Variants in NRXN1 observed in about 807,000 individuals in gnomAD.
NRXN1 encodes the protein neurexin-1.
NRXN1 carries 39 observed loss-of-function variants against 150.9 expected under a neutral mutation model. The observed-to-expected ratio is 0.26, with a 90% CI of 0.20 to 0.34. The LOEUF (loss-of-function observed/expected upper bound fraction) is 0.34, where lower values mean the gene tolerates loss of function less well. Among genes scored for constraint, NRXN1 ranks in the 10% least tolerant of loss-of-function variants. NRXN1 has a pLI of 1.00. For synonymous variants in NRXN1, 924 were observed against 757.0 expected (o/e 1.22, Z -3.62); for missense variants, 1,815 against 1,949.9 (o/e 0.93, Z 1.30).
At chr2:49,981,359 A>C (rs867514277) in intron 21 of NRXN1, among the ~76,000 whole-genome samples, 15 of 152,196 alleles carry the variant, frequency 9.9e-5, no homozygotes, top group Middle Eastern at 6.8e-3. Flanking sequence ...CCATCAGAAG[A>C]AATTAAGGAA....
intron 5 of NRXN1, among the ~76,000 whole-genome samples, chr2:50,672,379 T>G (rs1688980241): frequency 6.6e-6 from 1 of 152,008 alleles, no homozygotes; most frequent in Non-Finnish European, 1.5e-5. Context: ...ATGATTTCAT[T>G]CAAATGTGGC....
At chr2:49,929,289 A>G (rs1352187271) in intron 22 of NRXN1, among the ~76,000 whole-genome samples, 1 of 152,202 alleles carries the variant, frequency 6.6e-6, no homozygotes, top group Non-Finnish European at 1.5e-5. Flanking sequence ...CACTGAAGAC[A>G]AATAAACAGA....
chr2:50,501,101 G>T (rs1325563450), intron 13 of NRXN1, among the ~76,000 whole-genome samples: 1 of 152,188 alleles, frequency 6.6e-6, no homozygotes, highest in Non-Finnish European at 1.5e-5. Context: ...GGAAGAAGAT[G>T]CCAGGTTTGA....
intron 5 of NRXN1, among the ~76,000 whole-genome samples, chr2:50,641,409 G>C (rs960960538): frequency 6.6e-6 from 1 of 152,092 alleles, no homozygotes; most frequent in African/African-American, 2.4e-5. Context: ...AAGATTGAAT[G>C]TCCCTGGCTC....
intron 17 of NRXN1, among the ~76,000 whole-genome samples, chr2:50,416,472 A>G (rs1256923996): frequency 6.6e-6 from 1 of 152,106 alleles, no homozygotes; most frequent in Non-Finnish European, 1.5e-5. Flanking sequence ...TCACCATAAA[A>G]TTAATAATTT....
At chr2:50,640,742 T>C (rs1683959978) in intron 5 of NRXN1, among the ~76,000 whole-genome samples, 1 of 152,244 alleles carries the variant, frequency 6.6e-6, no homozygotes, top group Admixed American at 6.5e-5. Context: ...TTTGCCCAGA[T>C]ACAGAGAAAT....
chr2:50,347,564 G>A lies in NRXN1; in HGVS notation c.3365-110594C>T. 3 of 1,019,888 alleles carry A rather than the reference G, an allele frequency of 2.9e-6. No homozygotes were observed. The highest frequency in any genetic ancestry group is 3.5e-6 in the Non-Finnish European group (3 of 850,580). 63.2% of individuals were successfully genotyped at this position (1,019,888 alleles called of 1,614,324 possible). On this transcript the variant is annotated intron_variant, in intron 17 of 22. Coordinates refer to ENST00000401669, the MANE Select transcript of NRXN1 (RefSeq NM_001330078.2). This position sits in a 1 kb window ranked among gnomAD's most constrained non-coding sequence, Gnocchi z 4.9. ...CCCGGGCAGCGCGCGGAGCAGCGGC[G>A]CGCATCGCCTGCTCCCGAGGCAATC...
intron 5 of NRXN1, among the ~76,000 whole-genome samples, chr2:50,696,911 A>T (rs539838619): frequency 1.1e-4 from 16 of 152,158 alleles, no homozygotes; most frequent in Non-Finnish European, 2.1e-4. Context: ...TGAAAGCCTG[A>T]TACATAAATT....
rs189245060 is a variant in NRXN1 at position 50,712,254 on chromosome 2, A to G, written c.833-88639T>C. On this transcript the variant is annotated intron_variant, in intron 5 of 22. Transcript: ENST00000401669. ...AGGTTCCAAGTAAGAGGTGTCAGTT[A>G]GATTCTAAAGTCTTCCCTTTCCTTT... Among the ~76,000 whole-genome samples the G allele has an allele frequency of 5.0e-3, 751 of 151,492 alleles. 6 individuals are homozygous for G. The highest frequency in any genetic ancestry group is 0.017 in the African/African-American group (695 of 41,522).
At chr2:50,068,223 A>C (rs1695659857) in intron 19 of NRXN1, among the ~76,000 whole-genome samples, 1 of 152,130 alleles carries the variant, frequency 6.6e-6, no homozygotes, top group Non-Finnish European at 1.5e-5. Flanking sequence ...CAAATAATTT[A>C]AGATTAAATG....
In NRXN1 at chr2:50,606,205, C is replaced by T. The variant is rs913002178; in HGVS notation, c.1320+13817G>A. ...TGGAGGGTGCAGTGAGCTAAGATTA[C>T]GCCACTGCACTCCTGCCTGGCCAAC... On this transcript the variant is annotated intron_variant, in intron 8 of 22. Coordinates refer to ENST00000401669, the MANE Select transcript of NRXN1 (RefSeq NM_001330078.2). 5.2e-4 allele frequency among the ~76,000 whole-genome samples: 75 copies of T among 143,748 alleles called. 1 individual carries two copies. The highest frequency in any genetic ancestry group is 6.1e-4 in the Non-Finnish European group (41 of 66,886). The allele number at this position is 143,748 out of a possible 152,430, so 94.3% of individuals were successfully genotyped here. A position where few individuals can be genotyped will look rare whatever the true frequency, so the allele number is the denominator to read the frequency against.
At chr2:50,426,665 C>T (rs2104322856) in intron 17 of NRXN1, among the ~76,000 whole-genome samples, 1 of 152,208 alleles carries the variant, frequency 6.6e-6, no homozygotes, top group Admixed American at 6.5e-5. Flanking sequence ...TTCATTTTCC[C>T]TGAGGGATGC....
chr2:49,992,943 C>T (rs1682263182), intron 21 of NRXN1, among the ~76,000 whole-genome samples: 2 of 152,210 alleles, frequency 1.3e-5, no homozygotes, highest in Admixed American at 6.5e-5. Flanking sequence ...AACAGGAATG[C>T]TCATTCATTG....
At chr2:50,780,790 T>C (rs780667816) in intron 5 of NRXN1, among the ~76,000 whole-genome samples, 5 of 152,190 alleles carry the variant, frequency 3.3e-5, no homozygotes, top group Non-Finnish European at 5.9e-5. Flanking sequence ...AAATGACTAA[T>C]CTCCATTAAA....
At chr2:50,332,397 G>A (rs1156619502) in intron 17 of NRXN1, among the ~76,000 whole-genome samples, 1 of 152,170 alleles carries the variant, frequency 6.6e-6, no homozygotes, top group East Asian at 1.9e-4. Context: ...GAAAATTAGA[G>A]CTCTGTTTTG....
chr2:50,040,341 T>A (rs572609447), intron 21 of NRXN1, among the ~76,000 whole-genome samples: 2 of 150,770 alleles, frequency 1.3e-5, no homozygotes, highest in South Asian at 2.1e-4. Flanking sequence ...TTACATATAG[T>A]TTTATCTAAT....
chr2:50,042,972 C>T lies in NRXN1; in HGVS notation c.4128+10299G>A, dbSNP rs372306276. On this transcript the variant is annotated intron_variant, in intron 21 of 22. Transcript: ENST00000401669. ...TGTATCATTAACTAGATCACAGGTACAGTCGCAAAACAAGAAAAGGAGGAA... is the reference window on the plus strand; with the variant it reads ...TGTATCATTAACTAGATCACAGGTATAGTCGCAAAACAAGAAAAGGAGGAA... 6.0e-4 allele frequency among the ~76,000 whole-genome samples: 91 copies of T among 152,152 alleles called. 2 individuals carry two copies. The South Asian group carries it at 0.019, about 31-fold the overall frequency.
chr2:49,967,255 ACT>A (rs1415675830), intron 21 of NRXN1, among the ~76,000 whole-genome samples: 7 of 152,038 alleles, frequency 4.6e-5, no homozygotes, highest in South Asian at 2.1e-4. Context: ...AACAAAAAGA[ACT>A]CTCTAAAATA....
intron 2 of NRXN1, among the ~76,000 whole-genome samples, chr2:51,016,385 T>C (rs1314088333): frequency 6.6e-6 from 1 of 152,148 alleles, no homozygotes; most frequent in Non-Finnish European, 1.5e-5. Context: ...ATCCAGAATC[T>C]ATAAGGAACT....
Sources: allele counts gnomAD v4.1 joint callset (sites outside exome capture counted in the v4.1 genomes callset), GRCh38; gene constraint gnomAD v4.1.1; non-coding constraint Gnocchi (gnomAD v3.1); transcripts MANE v1.5; gene names NCBI Gene and HGNC (gene_info 2026-07-23, HGNC 2026-07-21).